The following HERC3 variants were observed in gnomAD, a reference collection of about 807,000 sequenced individuals.
The protein encoded by HERC3 is probable E3 ubiquitin-protein ligase HERC3.
In HERC3, 58 loss-of-function variants were observed where a neutral mutation model predicts 129.9. That is an observed-to-expected ratio of 0.45 (90% confidence interval 0.36 to 0.56). The LOEUF (loss-of-function observed/expected upper bound fraction) is 0.56, where lower values mean the gene tolerates loss of function less well. Ranked by LOEUF, HERC3 falls within the 20% of genes least tolerant of loss-of-function variation. HERC3 has a pLI of 0.00. For missense variants in HERC3, 835 were observed against 1,244.2 expected, an observed-to-expected ratio of 0.67 and a Z score of 4.95; for synonymous variants, 430 against 451.0, an observed-to-expected ratio of 0.95 and a Z score of 0.59.
At chr4:88,549,733 C>A in the HERC3 span, among the ~76,000 whole-genome samples, 1 of 150,016 alleles carries the variant, frequency 6.7e-6, no homozygotes, top group Admixed American at 6.7e-5. Flanking sequence ...GAGATGGGGT[C>A]TCGCTCTGTC....
chr4:88,699,382 C>T (rs916262866), intron 23 of HERC3, among the ~76,000 whole-genome samples: 2 of 119,700 alleles, frequency 1.7e-5, no homozygotes, highest in East Asian at 2.7e-4. Flanking sequence ...TTCTTCCCCA[C>T]GATCTGTCTT....
At chr4:88,535,884 T>C in the HERC3 span, among the ~76,000 whole-genome samples, 1 of 152,104 alleles carries the variant, frequency 6.6e-6, no homozygotes, top group African/African-American at 2.4e-5. Context: ...TATTACAGAG[T>C]AGAAATAATG....
chr4:88,644,934 A>G (rs1055878991), intron 3 of HERC3, among the ~76,000 whole-genome samples: 3 of 152,172 alleles, frequency 2.0e-5, no homozygotes, highest in Non-Finnish European at 4.4e-5. Context: ...CAGATACAGG[A>G]ACAAACAAAA....
intron 2 of HERC3, among the ~76,000 whole-genome samples, chr4:88,601,462 G>A (rs1722952980): frequency 6.6e-6 from 1 of 152,216 alleles, no homozygotes; most frequent in South Asian, 2.1e-4. Flanking sequence ...AGCTGACTTT[G>A]CATAGAAGAG....
the HERC3 span, among the ~76,000 whole-genome samples, chr4:88,570,762 TTTTA>T: frequency 8.0e-5 from 12 of 149,504 alleles, no homozygotes; most frequent in East Asian, 2.0e-4. Flanking sequence ...TTTATTTTAT[TTTTA>T]TTTATTTATT....
chr4:88,680,867 TG>T, intron 20 of HERC3: 1 of 219,540 alleles, frequency 4.6e-6, no homozygotes, highest in Non-Finnish European at 7.7e-6. Flanking sequence ...CCATATAAGA[TG>T]GGACAGAATA....
intron 25 of HERC3, among the ~76,000 whole-genome samples, chr4:88,706,515 T>A (rs1735794082): frequency 6.6e-6 from 1 of 152,148 alleles, no homozygotes; most frequent in Non-Finnish European, 1.5e-5. Flanking sequence ...AGCAATTCCT[T>A]CCCTCTTTGA....
At chr4:88,685,162 C>T (rs897284031) in intron 21 of HERC3, among the ~76,000 whole-genome samples, 40 of 152,180 alleles carry the variant, frequency 2.6e-4, no homozygotes, top group Admixed American at 1.8e-3. Context: ...TAAATTAGTT[C>T]AACCATTGTG....
the HERC3 span, among the ~76,000 whole-genome samples, chr4:88,584,989 CAG>C: frequency 5.9e-5 from 9 of 152,160 alleles, 1 homozygote; most frequent in African/African-American, 2.2e-4. Context: ...AGCTTATAAA[CAG>C]AAATTTATTT....
chr4:88,669,954 A>G lies in HERC3; in HGVS notation c.1728A>G (p.Thr576=), dbSNP rs746675223. The G allele has an allele frequency of 7.4e-6, 12 of 1,613,430 alleles. No homozygotes were observed. Among genetic ancestry groups the G allele is most frequent in the Non-Finnish European group, 1.0e-5 (12 of 1,179,508 alleles). Residue 576 remains threonine (T), a synonymous_variant, in exon 15 of 26, where the codon ACA becomes ACG. Transcript: ENST00000402738. ...AVLYLLRGRK[T]FLIPVLFNNY... ...TTTATCTACTGAGGGGAAGAAAGAC[A>G]TTCTTAATTCCCGTACTGTTTAACA...
At chr4:88,685,655 G>T (rs1264892245) in intron 21 of HERC3, among the ~76,000 whole-genome samples, 3 of 151,948 alleles carry the variant, frequency 2.0e-5, no homozygotes, top group Non-Finnish European at 4.4e-5. Context: ...TGCATGTGGG[G>T]CTTAAAACCT....
chr4:88,539,605 C>T, the HERC3 span, among the ~76,000 whole-genome samples: 76 of 152,328 alleles, frequency 5.0e-4, no homozygotes, highest in African/African-American at 1.8e-3. Context: ...GACAGACTGC[C>T]TCCTCAAGTG....
chr4:88,559,682 G>A, the HERC3 span, among the ~76,000 whole-genome samples: 2 of 152,074 alleles, frequency 1.3e-5, no homozygotes, highest in Non-Finnish European at 2.9e-5. Context: ...TTATTCATTC[G>A]ACCAGGGACA....
chr4:88,596,264 A>C (rs866970444), intron 2 of HERC3, among the ~76,000 whole-genome samples: 42 of 152,200 alleles, frequency 2.8e-4, no homozygotes, highest in African/African-American at 9.2e-4. Flanking sequence ...ATGGACTTTT[A>C]ATAAGGTGGT....
chr4:88,681,830 C>G (rs1024378282), intron 21 of HERC3, among the ~76,000 whole-genome samples: 2 of 152,102 alleles, frequency 1.3e-5, no homozygotes, highest in African/African-American at 4.8e-5. Context: ...TAGAAACACT[C>G]GAATTATTCT....
intron 12 of HERC3, among the ~76,000 whole-genome samples, chr4:88,665,338 C>T (rs1436265407): frequency 6.6e-6 from 1 of 152,188 alleles, no homozygotes. Flanking sequence ...TGGTGTAACT[C>T]TCAGTCTGAG....
upstream of HERC3, among the ~76,000 whole-genome samples, chr4:88,588,528 A>G (rs1233176287): frequency 6.6e-6 from 1 of 152,238 alleles, no homozygotes; most frequent in African/African-American, 2.4e-5. Flanking sequence ...TTTACTTGTC[A>G]AATAATCAGT....
intron 3 of HERC3, among the ~76,000 whole-genome samples, chr4:88,639,113 C>CA (rs1489220871): frequency 6.6e-6 from 1 of 152,174 alleles, no homozygotes; most frequent in Admixed American, 6.5e-5. Context: ...AATGGAAGAA[C>CA]ATTCCATCCT....
intron 5 of HERC3, 100 bp from the exon 6 acceptor site, chr4:88,652,769 G>A: frequency 8.0e-7 from 1 of 1,257,050 alleles, no homozygotes; most frequent in South Asian, 1.5e-5. Flanking sequence ...GGTGGGTTTG[G>A]TGTTGGGGGG....
Sources: allele counts gnomAD v4.1 joint callset (sites outside exome capture counted in the v4.1 genomes callset), GRCh38; gene constraint gnomAD v4.1.1; transcripts MANE v1.5; gene names NCBI Gene and HGNC (gene_info 2026-07-23, HGNC 2026-07-21).